Variants in CYTIP observed in about 807,000 individuals in gnomAD.
The protein encoded by CYTIP is cytohesin-interacting protein.
A neutral mutation model predicts 43.8 loss-of-function variants in CYTIP; 26 were observed. That is an observed-to-expected ratio of 0.59 (90% CI 0.44 to 0.82). CYTIP has a LOEUF of 0.82. Ranked by LOEUF, CYTIP falls within the 40% of genes least tolerant of loss-of-function variation. The probability of loss-of-function intolerance (pLI) is 0.00; values close to 1 mark genes in which losing one functional copy is unlikely to be tolerated. For missense variants in CYTIP, 426 were observed against 443.1 expected, an observed-to-expected ratio of 0.96 and a Z score of 0.35; for synonymous variants, 162 against 162.9, an observed-to-expected ratio of 0.99 and a Z score of 0.04.
In CYTIP at chr2:157,434,692, C is replaced by T. The variant is rs1685779399; in HGVS notation, c.224+6G>A. The T allele has an allele frequency of 1.2e-6, 2 of 1,606,894 alleles. No individual in the cohort carries two copies. Among genetic ancestry groups the T allele is most frequent in the Admixed American group, 1.7e-5 (1 of 59,610 alleles). On this transcript the variant is annotated splice_donor_region_variant and intron_variant, in intron 2 of 7. Transcript: ENST00000264192. ...GGAGAGACAAAAAATAATTCAATCT[C>T]TTTACCTTTGAGACCAGGAAAAGTC...
At chr2:157,433,392 T>C (rs1685744499) in intron 3 of CYTIP, among the ~76,000 whole-genome samples, 1 of 152,182 alleles carries the variant, frequency 6.6e-6, no homozygotes, top group East Asian at 1.9e-4. Flanking sequence ...AAAGTTCCAT[T>C]TTGTTTCTTT....
intron 6 of CYTIP, among the ~76,000 whole-genome samples, chr2:157,422,763 T>C (rs1685542249): frequency 6.6e-6 from 1 of 150,704 alleles, no homozygotes; most frequent in African/African-American, 2.4e-5. Flanking sequence ...GAGAGATCAA[T>C]GTTTATAAGA....
rs188239695 is a variant in CYTIP at position 157,416,431 on chromosome 2, T to C, written c.614-288A>G. Among the ~76,000 whole-genome samples, 146 of 152,264 alleles carry C rather than the reference T, an allele frequency of 9.6e-4. 1 individual carries two copies. Among genetic ancestry groups the C allele is most frequent in the African/African-American group, 3.3e-3 (138 of 41,554 alleles). ...TTCATATGAGAACAGTTCAGCCCAA[T>C]TGACAGTCTACCAGTGTGGCATCTG... On this transcript the variant is annotated intron_variant, in intron 7 of 7. Coordinates refer to ENST00000264192, the MANE Select transcript of CYTIP (RefSeq NM_004288.5).
intron 6 of CYTIP, among the ~76,000 whole-genome samples, chr2:157,420,481 A>T (rs1295261522): frequency 1.3e-5 from 2 of 151,884 alleles, no homozygotes; most frequent in Non-Finnish European, 2.9e-5. Context: ...GCACAATTGT[A>T]CTCCACCCCA....
intron 7 of CYTIP, among the ~76,000 whole-genome samples, chr2:157,416,856 T>A (rs1442549876): frequency 1.3e-5 from 2 of 152,162 alleles, no homozygotes; most frequent in African/African-American, 2.4e-5. Flanking sequence ...TGGCTAAATT[T>A]TTTTCATTGA....
intron 1 of CYTIP, 94 bp from the exon 2 acceptor site, chr2:157,434,841 TCTCTCTCTCACACACACACACACA>T (rs1237272170): frequency 1.6e-5 from 7 of 444,500 alleles, no homozygotes; most frequent in East Asian, 1.0e-4. Flanking sequence ...TCTCTCTCTC[TCTCTCTCTCACACACACACACACA>T]CACACACACA....
intron 3 of CYTIP, among the ~76,000 whole-genome samples, chr2:157,432,222 C>T (rs1685723869): frequency 6.6e-6 from 1 of 152,170 alleles, no homozygotes; most frequent in African/African-American, 2.4e-5. Flanking sequence ...AAAGTAAGTA[C>T]AGTGCAGTAG....
rs769091432 is a variant in CYTIP at position 157,443,899 on chromosome 2, C to T, written c.122G>A (p.Arg41Lys). The T allele has an allele frequency of 1.2e-6, 2 of 1,614,090 alleles. No homozygotes were observed. Among genetic ancestry groups the T allele is most frequent in the Admixed American group, 1.7e-5 (1 of 60,006 alleles). The change falls in exon 1 of 8, where the codon AGG becomes AAG. Residue 41 changes from arginine to lysine, a missense_variant. Physicochemically the swap from Arg to Lys is conservative, Grantham distance 26. Coordinates refer to ENST00000264192, the MANE Select transcript of CYTIP (RefSeq NM_004288.5). Reference protein sequence around the residue: ...TGSLTMDDNRRIQMLADTVAT... With the variant: ...TGSLTMDDNRKIQMLADTVAT... ...CACCGTGTCTGCTAGCATTTGAATC[C>T]TTCTATTATCGTCCATCGTAAGGCT...
intron 1 of CYTIP, among the ~76,000 whole-genome samples, chr2:157,442,636 A>G (rs941421938): frequency 6.6e-6 from 1 of 152,216 alleles, no homozygotes; most frequent in African/African-American, 2.4e-5. Context: ...AGATTGATAA[A>G]ATGTTCATCA....
At chr2:157,442,266 A>T (rs187342749) in intron 1 of CYTIP, among the ~76,000 whole-genome samples, 1 of 152,352 alleles carries the variant, frequency 6.6e-6, no homozygotes, top group Admixed American at 6.5e-5. Context: ...AATTGTAAAC[A>T]GTATATGGGT....
rs1163190878 is a variant in CYTIP, at chr2:157,427,299, A to T, written c.546+52T>A. ...TCCTCAAATAGATCTTTATTTTACC[A>T]CTCACACATTCAAGGATGAAAAATG... On this transcript the variant is annotated intron_variant, in intron 6 of 7. Coordinates refer to ENST00000264192, the MANE Select transcript of CYTIP (RefSeq NM_004288.5). 5 of 1,424,136 alleles carry T rather than the reference A, an allele frequency of 3.5e-6. No homozygotes were observed. In the South Asian group the frequency reaches 3.7e-5, roughly 11 times the overall value. The allele number at this position is 1,424,136 out of a possible 1,614,324, so 88.2% of individuals were successfully genotyped here.
intron 1 of CYTIP, chr2:157,439,000 G>A (rs1263634355): frequency 2.6e-6 from 1 of 385,172 alleles, no homozygotes; most frequent in Non-Finnish European, 5.7e-6. Context: ...TTAAACCACA[G>A]GACAGACCTG....
intron 3 of CYTIP, among the ~76,000 whole-genome samples, chr2:157,433,417 T>C (rs1269984670): frequency 6.6e-6 from 1 of 152,176 alleles, no homozygotes; most frequent in African/African-American, 2.4e-5. Flanking sequence ...ATAAAACATG[T>C]TTTTCTTAGC....
At chr2:157,429,766 G>A (rs1248634660) in intron 5 of CYTIP, among the ~76,000 whole-genome samples, 1 of 152,170 alleles carries the variant, frequency 6.6e-6, no homozygotes, top group African/African-American at 2.4e-5. Context: ...GCTCATGCCT[G>A]TAATCCCAGC....
chr2:157,424,485 A>G (rs933912751), intron 6 of CYTIP, among the ~76,000 whole-genome samples: 1 of 152,164 alleles, frequency 6.6e-6, no homozygotes, highest in African/African-American at 2.4e-5. Context: ...ATAAAAAAAC[A>G]GAATACCATA....
At chr2:157,428,573 C>T (rs1297905051) in intron 5 of CYTIP, among the ~76,000 whole-genome samples, 1 of 152,226 alleles carries the variant, frequency 6.6e-6, no homozygotes, top group Non-Finnish European at 1.5e-5. Flanking sequence ...AGTATTTGTA[C>T]AGACTGTCTC....
At chr2:157,431,017 G>T in intron 3 of CYTIP, 55 bp from the exon 4 acceptor site, 2 of 1,425,188 alleles carry the variant, frequency 1.4e-6, no homozygotes, top group South Asian at 2.5e-5. Flanking sequence ...ACATCTATTT[G>T]CCAAAATTTA....
chr2:157,434,211 C>A (rs1238842689), intron 3 of CYTIP, 159 bp downstream of exon 3: 7 of 683,892 alleles, frequency 1.0e-5, no homozygotes, highest in Non-Finnish European at 1.8e-5. Context: ...TAATAGTACT[C>A]AACACACTGA....
intron 5 of CYTIP, among the ~76,000 whole-genome samples, chr2:157,430,041 AAG>A (rs1685685480): frequency 6.6e-6 from 1 of 151,642 alleles, no homozygotes; most frequent in African/African-American, 2.4e-5. Flanking sequence ...AAAAAAAAAA[AAG>A]AAGTTTGGAA....
Sources: allele counts gnomAD v4.1 joint callset (sites outside exome capture counted in the v4.1 genomes callset), GRCh38; gene constraint gnomAD v4.1.1; transcripts MANE v1.5; gene names NCBI Gene and HGNC (gene_info 2026-07-23, HGNC 2026-07-21).